Variants in TEX14 observed in about 807,000 individuals in gnomAD.
The protein encoded by TEX14 is inactive serine/threonine-protein kinase TEX14.
A neutral mutation model predicts 178.6 loss-of-function variants in TEX14; 168 were observed. The observed-to-expected ratio is 0.94, with a 90% confidence interval of 0.83 to 1.07. The LOEUF (loss-of-function observed/expected upper bound fraction) is 1.07, where lower values mean the gene tolerates loss of function less well. Ranked by LOEUF, TEX14 falls within the 50% of genes least tolerant of loss-of-function variation. The pLI is 0.00. For missense variants in TEX14, 1,730 were observed against 1,753.6 expected (o/e 0.99, Z 0.24); for synonymous variants, 626 against 634.1 (o/e 0.99, Z 0.19).
chr17:58,634,472 G>A (rs566769956), intron 2 of TEX14, among the ~76,000 whole-genome samples: 1 of 152,294 alleles, frequency 6.6e-6, no homozygotes, highest in South Asian at 2.1e-4. Flanking sequence ...AGCAGTACTA[G>A]AGGGGTTCAC....
chr17:58,577,586 A>C (rs958334294), intron 20 of TEX14, 130 bp from the exon 21 acceptor site: 21 of 349,656 alleles, frequency 6.0e-5, no homozygotes, highest in Non-Finnish European at 1.0e-4. Context: ...CTGGATAAAC[A>C]AAGTGCTGCC....
chr17:58,664,188 C>A (rs2047167755), intron 1 of TEX14, among the ~76,000 whole-genome samples: 1 of 152,306 alleles, frequency 6.6e-6, no homozygotes, highest in Non-Finnish European at 1.5e-5. Context: ...ATTGAACTAC[C>A]TTCCTAATTT....
In TEX14 at chr17:58,571,989, C is replaced by T; in HGVS notation, c.3649G>A (p.Glu1217Lys). 2 of 1,614,142 alleles carry T rather than the reference C, an allele frequency of 1.2e-6. No homozygotes were observed. Among genetic ancestry groups the T allele is most frequent in the South Asian group, 2.2e-5 (2 of 91,074 alleles). ...AGAGAATCCAGTTTCTTTGCTCTCT[C>T]TCGGACACTTATAAAGTCATCAGAC... ...TLSDDFISVR[E>K]RAKKLDSLLT... The change falls in exon 24 of 32, where the codon GAG becomes AAG. Residue 1217 changes from glutamate to lysine, a missense_variant. Physicochemically the swap from Glu to Lys is moderately conservative, Grantham distance 56 (BLOSUM62 1). Coordinates refer to ENST00000349033, the MANE Select transcript of TEX14 (RefSeq NM_031272.5).
intron 2 of TEX14, among the ~76,000 whole-genome samples, chr17:58,649,960 G>C (rs1363401783): frequency 6.6e-6 from 1 of 151,830 alleles, no homozygotes; most frequent in Non-Finnish European, 1.5e-5. Flanking sequence ...GGCTGGTCTC[G>C]AACTCCTGAC....
chr17:58,687,316 T>A lies in TEX14; in HGVS notation c.-2+4623A>T, dbSNP rs9909225. On this transcript the variant is annotated intron_variant, in intron 1 of 31. Transcript: ENST00000349033. ...TTTACCTAATAAATACAGAAGGCTG[T>A]GTAAAGCTCAGGGCCCTTGTCCACT... is the stretch of plus-strand genomic sequence containing the variant. Among the ~76,000 whole-genome samples the A allele has an allele frequency of 1.2e-3, 181 of 152,244 alleles. 1 individual carries two copies. The highest frequency in any genetic ancestry group is 4.3e-3 in the African/African-American group (178 of 41,558).
At chr17:58,617,158 G>C (rs1196464795) in intron 6 of TEX14, among the ~76,000 whole-genome samples, 6 of 152,116 alleles carry the variant, frequency 3.9e-5, no homozygotes, top group African/African-American at 1.2e-4. Flanking sequence ...TGAGGCATCA[G>C]AATTGCTTGA....
chr17:58,665,976 G>A (rs543196698), intron 1 of TEX14, among the ~76,000 whole-genome samples: 1 of 151,718 alleles, frequency 6.6e-6, no homozygotes, highest in South Asian at 2.1e-4. Flanking sequence ...TTCAACCTAG[G>A]AGGCGGAGGT....
chr17:58,647,693 CTTTT>C (rs949387846), intron 2 of TEX14, among the ~76,000 whole-genome samples: 2 of 150,108 alleles, frequency 1.3e-5, no homozygotes, highest in African/African-American at 4.9e-5. Flanking sequence ...TTCTTTCTTT[CTTTT>C]TGTTTTTTGT....
At chr17:58,576,810 A>G (rs1016523831) in intron 21 of TEX14, among the ~76,000 whole-genome samples, 1 of 152,202 alleles carries the variant, frequency 6.6e-6, no homozygotes, top group African/African-American at 2.4e-5. Context: ...CCTACTCAGC[A>G]TAATTCTCTG....
At chr17:58,639,329 G>C (rs1432494695) in intron 2 of TEX14, among the ~76,000 whole-genome samples, 1 of 115,488 alleles carries the variant, frequency 8.7e-6, no homozygotes, top group Admixed American at 8.2e-5. Flanking sequence ...AGAGATAAAA[G>C]ACTACAAATA....
chr17:58,655,276 C>T (rs948208415), intron 1 of TEX14, among the ~76,000 whole-genome samples: 1 of 151,956 alleles, frequency 6.6e-6, no homozygotes, highest in Non-Finnish European at 1.5e-5. Context: ...CTCCGCCTCC[C>T]GGGTTCAAGC....
intron 1 of TEX14, among the ~76,000 whole-genome samples, chr17:58,656,925 C>CAAA (rs60626361): frequency 5.8e-3 from 456 of 78,898 alleles, no homozygotes; most frequent in African/African-American, 0.012. Context: ...TCCCATCTCA[C>CAAA]AAAAAAAAAA....
intron 3 of TEX14, among the ~76,000 whole-genome samples, chr17:58,626,394 C>T (rs539470585): frequency 1.6e-3 from 245 of 150,902 alleles, no homozygotes; most frequent in Non-Finnish European, 3.0e-3. Context: ...GGTGAAACCC[C>T]GTCTCTACTA....
chr17:58,599,639 T>C lies in TEX14; in HGVS notation c.1706A>G (p.His569Arg). The C allele has an allele frequency of 6.2e-7, 1 of 1,612,074 alleles. No individual in the cohort carries two copies. The highest frequency in any genetic ancestry group is 8.5e-7 in the Non-Finnish European group (1 of 1,179,572). ...MGSQPHSPRV[H>R]SLFTEGTLDP... ...TAGTGTCCCCTCAGTGAATAAAGAG[T>C]GAACCCTTGGTGAATGAGGTTGACT... Residue 569 changes from histidine to arginine, a missense_variant, in exon 14 of 32, where the codon CAC (histidine) becomes CGC (arginine). Physicochemically the swap from His to Arg is conservative, Grantham distance 29 (BLOSUM62 0). Around this residue, in one of 2 missense-constraint regions of TEX14, gnomAD observed 941 missense variants for 1,072.4 expected, o/e 0.88. Transcript: ENST00000349033.
rs145547229 is a variant in TEX14 at position 58,577,093 on chromosome 17, T to C, written c.3320+282A>G. ...CTATTGTCAACATTCTCAGTAAGGA[T>C]TCTTATCCCTGCTTCACAGATGGGA... is the stretch of plus-strand genomic sequence containing the variant. On this transcript the variant is annotated intron_variant, in intron 21 of 31. Transcript: ENST00000349033. Among the ~76,000 whole-genome samples, 629 of 152,316 alleles carry C rather than the reference T, an allele frequency of 4.1e-3. 3 individuals carry two copies. The highest frequency in any genetic ancestry group is 0.014 in the African/African-American group (582 of 41,562).
At position 58,616,166 on chromosome 17, in the gene TEX14, C is replaced by T; in HGVS notation, c.767+9G>A. ...GAATCAGACCTCAAACTGGCCAGCCCCCACTTACTTGGTCATGACCATGTA... is the reference window on the plus strand; with the variant it reads ...GAATCAGACCTCAAACTGGCCAGCCTCCACTTACTTGGTCATGACCATGTA... On this transcript the variant is annotated intron_variant, in intron 7 of 31. Coordinates refer to ENST00000349033, the MANE Select transcript of TEX14 (RefSeq NM_031272.5). 1.9e-6 allele frequency: 3 copies of T among 1,609,438 alleles called. No homozygotes were observed. Among genetic ancestry groups the T allele is most frequent in the Non-Finnish European group, 2.5e-6 (3 of 1,178,452 alleles).
At chr17:58,562,516 T>G (rs2044293004) in intron 28 of TEX14, among the ~76,000 whole-genome samples, 3 of 152,070 alleles carry the variant, frequency 2.0e-5, no homozygotes, top group Admixed American at 2.0e-4. Context: ...AATTTTCTTT[T>G]TTTTTTTTGA....
In TEX14 at chr17:58,630,503, G is replaced by T; in HGVS notation, c.188C>A (p.Ala63Glu). 6.2e-7 allele frequency: 1 copy of T among 1,613,880 alleles called. No homozygotes were observed. The highest frequency in any genetic ancestry group is 1.3e-5 in the African/African-American group (1 of 74,970). ...GAATTTCCTAAGGCCCAATAACGCC[G>T]CAACAAAAAGTGCTGTTTGGCCCAA... is the stretch of plus-strand genomic sequence containing the variant. The part of the protein sequence containing the change: ...NSLGQTALFV[A>E]ALLGLRKFVD... Residue 63 changes from alanine to glutamate, a missense_variant, in exon 3 of 32, where the codon GCG (alanine) becomes GAG (glutamate). Transcript: ENST00000349033.
chr17:58,564,074 G>A (rs2044347212), intron 28 of TEX14: 2 of 152,120 alleles, frequency 1.3e-5, no homozygotes, highest in Non-Finnish European at 2.9e-5. Flanking sequence ...AAACCCTTGT[G>A]CACTGTTGGT....
Sources: gnomAD v4.1 joint callset for allele counts (sites outside exome capture counted in the v4.1 genomes callset) on GRCh38, gnomAD v4.1.1 for gene constraint, gnomAD v4.1.1 regional missense constraint, MANE v1.5 for transcripts, NCBI Gene and HGNC (gene_info 2026-07-23, HGNC 2026-07-21) for gene names.